Variants in RTTN observed in about 807,000 individuals in gnomAD.
RTTN encodes rotatin.
RTTN carries 182 observed loss-of-function variants against 269.2 expected under a neutral mutation model. The observed-to-expected ratio is 0.68, with a 90% CI of 0.60 to 0.76. The LOEUF (loss-of-function observed/expected upper bound fraction) is 0.76. Ranked by LOEUF, RTTN falls within the 30% of genes least tolerant of loss-of-function variation. RTTN has a pLI of 0.00. For synonymous variants in RTTN, 1,006 were observed against 963.5 expected, an observed-to-expected ratio of 1.04 and a Z score of -0.82; for missense variants, 2,545 against 2,608.6, an observed-to-expected ratio of 0.98 and a Z score of 0.53.
intron 37 of RTTN, among the ~76,000 whole-genome samples, chr18:70,055,850 C>T (rs955509620): frequency 2.0e-5 from 3 of 152,062 alleles, no homozygotes; most frequent in Admixed American, 2.0e-4. Flanking sequence ...AAATACCAAC[C>T]AACTGACCAC....
At chr18:70,004,378 A>G in intron 48 of RTTN, 142 bp from the exon 49 acceptor site, 2 of 481,740 alleles carry the variant, frequency 4.2e-6, no homozygotes, top group Non-Finnish European at 7.2e-6. Flanking sequence ...ATAGCATTCC[A>G]GAATATTTTG....
In RTTN at chr18:70,128,450, C is replaced by A. The variant is rs750729472; in HGVS notation, c.3051G>T (p.Val1017=). The change falls in exon 24 of 49, where the codon GTG becomes GTT. Residue 1017 remains valine (V), a synonymous_variant. Coordinates refer to ENST00000640769, the MANE Select transcript of RTTN (RefSeq NM_173630.4). The part of the protein sequence containing the change: ...LSADCLALKP[V]SDMLRIAWNL... The stretch of plus-strand genomic sequence containing the variant: ...TCCAAGCTATTCTCAGCATATCTGA[C>A]ACCGGCTTCAAGGCCAAACAATCAG... 6.2e-7 allele frequency: 1 copy of A among 1,613,268 alleles called. No individual in the cohort carries two copies. The highest frequency in any genetic ancestry group is 8.5e-7 in the Non-Finnish European group (1 of 1,179,578).
intron 46 of RTTN, among the ~76,000 whole-genome samples, chr18:70,011,771 T>A (rs1439532376): frequency 6.6e-6 from 1 of 152,124 alleles, no homozygotes; most frequent in Non-Finnish European, 1.5e-5. Flanking sequence ...ATAAGGGTAC[T>A]AAAATAGGAA....
chr18:70,202,403 C>T (rs1200980825), intron 3 of RTTN, among the ~76,000 whole-genome samples: 1 of 152,178 alleles, frequency 6.6e-6, no homozygotes, highest in Non-Finnish European at 1.5e-5. Flanking sequence ...TCTTTCAATA[C>T]CTTTACAATT....
At chr18:70,105,463 C>T (rs932880514) in intron 28 of RTTN, among the ~76,000 whole-genome samples, 12 of 152,198 alleles carry the variant, frequency 7.9e-5, no homozygotes, top group African/African-American at 1.4e-4. Context: ...GGCGATGCCC[C>T]GCCCTGCTTC....
At position 70,088,000 on chromosome 18, in the gene RTTN, CCATACTA is replaced by C; in HGVS notation, c.4284_4290del (p.Cys1428TrpfsTer15). The C allele has an allele frequency of 6.2e-7, 1 of 1,612,724 alleles. No individual in the cohort carries two copies. Among genetic ancestry groups the C allele is most frequent in the Non-Finnish European group, 8.5e-7 (1 of 1,179,534 alleles). On this transcript the variant is annotated frameshift_variant, in exon 31 of 49. Transcript: ENST00000640769. LOFTEE classifies it high-confidence loss of function. ...AAAGACAGACATACCTCCCGGCGCACCATACTACATTCTGACTGGTCCAGAAGAATGT... is the reference window on the plus strand; with the variant it reads ...AAAGACAGACATACCTCCCGGCGCACCATTCTGACTGGTCCAGAAGAATGT...
chr18:70,020,787 C>A lies in RTTN; in HGVS notation c.5981G>T (p.Gly1994Val). The A allele has an allele frequency of 6.2e-7, 1 of 1,613,264 alleles. No homozygotes were observed. Among genetic ancestry groups the A allele is most frequent in the Non-Finnish European group, 8.5e-7 (1 of 1,179,482 alleles). Residue 1994 changes from glycine to valine, a missense_variant, in exon 45 of 49, where the codon GGA (glycine) becomes GTA (valine). Physicochemically the swap from Gly to Val is moderately radical, Grantham distance 109. Transcript: ENST00000640769. ...GCSSLCWSSC[G>V]QHPVQATHRG... is the part of the protein sequence containing the mutation. ...ATGTGTAGCTTGAACAGGGTGTTGT[C>A]CACAACTTGACCAACAAAGAGAACT...
intron 3 of RTTN, among the ~76,000 whole-genome samples, chr18:70,202,764 T>A (rs181846343): frequency 6.6e-6 from 1 of 152,216 alleles, no homozygotes; most frequent in South Asian, 2.1e-4. Flanking sequence ...TTCTCAGCTA[T>A]AGAGTAAGAC....
intron 28 of RTTN, among the ~76,000 whole-genome samples, chr18:70,102,919 G>A (rs1266444839): frequency 6.6e-6 from 1 of 151,244 alleles, no homozygotes; most frequent in Admixed American, 6.6e-5. Context: ...GAAGTGAGGA[G>A]CGCCTCTGCC....
rs17082022 is a variant in RTTN at position 70,054,045 on chromosome 18, A to T, written c.5185+86T>A. ...CTAGCAAAAAGAAACTCAAAAAGTAACCTTCAAGTGAATATCTGAAACAGA... is the reference window on the plus strand; with the variant it reads ...CTAGCAAAAAGAAACTCAAAAAGTATCCTTCAAGTGAATATCTGAAACAGA... On this transcript the variant is annotated intron_variant, in intron 38 of 48. Coordinates refer to ENST00000640769, the MANE Select transcript of RTTN (RefSeq NM_173630.4). The T allele has an allele frequency of 8.0e-3, 9,227 of 1,150,908 alleles. 543 individuals are homozygous for T. The African/African-American group carries it at 0.12, about 16-fold the overall frequency. 71.3% of individuals were successfully genotyped at this position (1,150,908 alleles called of 1,614,324 possible).
intron 29 of RTTN, 84 bp from the exon 30 acceptor site, chr18:70,092,304 T>C (rs1486052754): frequency 1.1e-6 from 1 of 881,484 alleles, no homozygotes; most frequent in Non-Finnish European, 1.8e-6. Flanking sequence ...GAATTTTTAA[T>C]GAAAACAACG....
At position 70,092,227 on chromosome 18, in the gene RTTN, G is replaced by C; in HGVS notation, c.4033-7C>G. ...ACCAAAGTGACATCCACTCCTAGAG[G>C]GAAAAAAGGGAAACAGAAATATTTG... On this transcript the variant is annotated splice_polypyrimidine_tract_variant and splice_region_variant and intron_variant, in intron 29 of 48. Transcript: ENST00000640769. 6.7e-7 allele frequency: 1 copy of C among 1,489,370 alleles called. No individual in the cohort carries two copies. Among genetic ancestry groups the C allele is most frequent in the Non-Finnish European group, 9.3e-7 (1 of 1,073,804 alleles). The allele number at this position is 1,489,370 out of a possible 1,614,324, so 92.3% of individuals were successfully genotyped here.
intron 46 of RTTN, among the ~76,000 whole-genome samples, chr18:70,009,856 T>C (rs934700292): frequency 2.6e-5 from 4 of 151,506 alleles, no homozygotes; most frequent in Admixed American, 6.6e-5. Context: ...AAGACACACA[T>C]AGGCTCAAAA....
intron 14 of RTTN, 69 bp downstream of exon 14, chr18:70,165,993 T>C: frequency 2.0e-6 from 3 of 1,491,620 alleles, no homozygotes; most frequent in Non-Finnish European, 2.8e-6. Context: ...TAAATTAAGT[T>C]TGAAGGTATA....
intron 48 of RTTN, among the ~76,000 whole-genome samples, chr18:70,004,599 A>G (rs2056123496): frequency 6.6e-6 from 1 of 152,020 alleles, no homozygotes; most frequent in Admixed American, 6.6e-5. Flanking sequence ...GCTAAAACAA[A>G]CTAAAACCTC....
intron 34 of RTTN, among the ~76,000 whole-genome samples, chr18:70,071,361 A>G (rs778951299): frequency 6.6e-6 from 1 of 152,224 alleles, no homozygotes; most frequent in Non-Finnish European, 1.5e-5. Flanking sequence ...AAGGAATTAT[A>G]TTTCCCACAT....
intron 39 of RTTN, 42 bp from the exon 40 acceptor site, chr18:70,048,230 C>A (rs1289074214): frequency 2.0e-6 from 3 of 1,521,562 alleles, no homozygotes; most frequent in South Asian, 2.3e-5. Flanking sequence ...AAAATTTCTT[C>A]AAAATTCAAC....
intron 32 of RTTN, 49 bp downstream of exon 32, chr18:70,086,564 A>T: frequency 7.4e-7 from 1 of 1,343,518 alleles, no homozygotes; most frequent in Non-Finnish European, 1.0e-6. Flanking sequence ...ATTTATCACC[A>T]ATTAATTTGA....
chr18:70,069,109 T>C (rs1489699418), intron 34 of RTTN, among the ~76,000 whole-genome samples: 2 of 152,076 alleles, frequency 1.3e-5, no homozygotes, highest in Non-Finnish European at 2.9e-5. Context: ...GTGAATATGG[T>C]TAATATGGTC....
Sources: gnomAD v4.1 joint callset for allele counts (sites outside exome capture counted in the v4.1 genomes callset) on GRCh38, gnomAD v4.1.1 for gene constraint, MANE v1.5 for transcripts, NCBI Gene and HGNC (gene_info 2026-07-23, HGNC 2026-07-21) for gene names.